Variants in ZNF75D observed in about 807,000 individuals in gnomAD.
The protein encoded by ZNF75D is zinc finger protein 75D, also known as zinc finger protein 75.
A neutral mutation model predicts 33.3 loss-of-function variants in ZNF75D; 33 were observed. That is an observed-to-expected ratio of 0.99 (90% CI 0.75 to 1.32). The LOEUF is 1.32. Among genes scored for constraint, ZNF75D ranks in the 40% most tolerant of loss-of-function variants. ZNF75D has a pLI of 0.00. For synonymous variants in ZNF75D, 113 were observed against 130.6 expected (o/e 0.87, Z 0.92); for missense variants, 338 against 367.5 (o/e 0.92, Z 0.66).
At chrX:135,331,329 T>G (rs782744388) in intron 1 of ZNF75D, among the ~76,000 whole-genome samples, 15 of 110,962 alleles carry the variant, frequency 1.4e-4, no homozygotes, top group Non-Finnish European at 2.5e-4. Context: ...CACAGCCAAT[T>G]GAAGAGAATT....
intron 1 of ZNF75D, among the ~76,000 whole-genome samples, chrX:135,267,489 A>G (rs2083867197): frequency 9.0e-6 from 1 of 111,271 alleles, no homozygotes; most frequent in Non-Finnish European, 1.9e-5. Context: ...ATGAACAACT[A>G]TTTGCCAATA....
At chrX:135,289,852 G>A (rs1259532024) in intron 6 of ZNF75D, among the ~76,000 whole-genome samples, 3 of 111,770 alleles carry the variant, frequency 2.7e-5, no homozygotes, top group African/African-American at 6.5e-5. Context: ...CTATTTTCAT[G>A]TGATAATTTA....
chrX:135,278,181 A>G (rs1032636239), intron 1 of ZNF75D, among the ~76,000 whole-genome samples: 3 of 111,432 alleles, frequency 2.7e-5, no homozygotes, highest in Non-Finnish European at 5.7e-5. Context: ...AGTGGTTTCT[A>G]GTTCTCCTTG....
chrX:135,324,585 C>T (rs1162008053), intron 1 of ZNF75D, among the ~76,000 whole-genome samples: 1 of 112,603 alleles, frequency 8.9e-6, no homozygotes. Context: ...GACACATACA[C>T]CTCTGTGACA....
Position 135,318,484 on chromosome X carries a change from T to C in ZNF75D, c.-390-22445A>G, listed in dbSNP as rs190780792. Among the ~76,000 whole-genome samples, 375 of 111,504 alleles carry C rather than the reference T, an allele frequency of 3.4e-3. 3 individuals carry two copies. Among genetic ancestry groups the C allele is most frequent in the African/African-American group, 0.012 (357 of 30,716 alleles). On this transcript the variant is annotated intron_variant, in intron 1 of 6. Transcript: ENST00000370766. The stretch of plus-strand genomic sequence containing the variant: ...GACAATTTGGCAAAGTAAGAACAAG[T>C]TTGGTGTATTTCATTTCGGAACTTA...
intron 5 of ZNF75D, 33 bp downstream of exon 5, chrX:135,291,439 G>A (rs782328867): frequency 1.7e-6 from 2 of 1,204,731 alleles, no homozygotes; most frequent in African/African-American, 3.5e-5. Context: ...CCACAGTCAA[G>A]TCACCTGAAA....
intron 1 of ZNF75D, among the ~76,000 whole-genome samples, chrX:135,325,358 C>A (rs2084549146): frequency 9.1e-6 from 1 of 110,237 alleles, no homozygotes; most frequent in Non-Finnish European, 1.9e-5. Context: ...TTTGGTGGCA[C>A]TTGAGGAGCC....
chrX:135,302,072 C>G lies in ZNF75D; in HGVS notation c.-390-6033G>C, dbSNP rs144250228. The stretch of plus-strand genomic sequence containing the variant: ...TCTGAAGCAATGGCTCAAGCTATAA[C>G]TTGGCCCATTTTACCCGTGGCTGGA... On this transcript the variant is annotated intron_variant, in intron 1 of 6. Transcript: ENST00000370766. Among the ~76,000 whole-genome samples, 62 of 112,434 alleles carry G rather than the reference C, an allele frequency of 5.5e-4. 1 individual carries two copies. The highest frequency in any genetic ancestry group is 2.0e-3 in the African/African-American group (61 of 31,005).
At chrX:135,320,937 TG>T (rs201996307) in intron 1 of ZNF75D, among the ~76,000 whole-genome samples, 8 of 109,928 alleles carry the variant, frequency 7.3e-5, no homozygotes, top group Non-Finnish European at 1.3e-4. Context: ...GAAGCAAGGT[TG>T]GGGGGGGTTA....
At chrX:135,262,367 T>G (rs956180543) in intron 1 of ZNF75D, among the ~76,000 whole-genome samples, 6 of 112,332 alleles carry the variant, frequency 5.3e-5, no homozygotes, top group African/African-American at 9.7e-5. Flanking sequence ...AAGTTCTCCT[T>G]GATAATATCC....
intron 1 of ZNF75D, among the ~76,000 whole-genome samples, chrX:135,310,566 T>C (rs1457261678): frequency 3.6e-5 from 4 of 111,471 alleles, no homozygotes. Flanking sequence ...GCATTTCTCT[T>C]GTCCTTTAAC....
chrX:135,285,530 T>C (rs1399702705), downstream of ZNF75D, among the ~76,000 whole-genome samples: 2 of 112,391 alleles, frequency 1.8e-5, no homozygotes, highest in African/African-American at 6.5e-5. Flanking sequence ...GCTGGGCAAG[T>C]AGACAAAGCT....
At chrX:135,304,623 C>T (rs1004807663) in intron 1 of ZNF75D, among the ~76,000 whole-genome samples, 10 of 112,260 alleles carry the variant, frequency 8.9e-5, no homozygotes, top group Non-Finnish European at 1.9e-4. Flanking sequence ...ATTTTGATGT[C>T]TACAATGCAA....
chrX:135,339,823 T>G (rs1286734710), intron 1 of ZNF75D, among the ~76,000 whole-genome samples: 2 of 111,476 alleles, frequency 1.8e-5, no homozygotes, highest in African/African-American at 6.5e-5. Flanking sequence ...AGCATCTATA[T>G]CTCTCCGAAA....
chrX:135,291,316 C>T, intron 5 of ZNF75D, 156 bp downstream of exon 5: 1 of 791,101 alleles, frequency 1.3e-6, no homozygotes. Flanking sequence ...TGGGAGGTGC[C>T]CAGTTCCCAC....
intron 2 of ZNF75D, among the ~76,000 whole-genome samples, chrX:135,294,509 T>G (rs1443497763): frequency 7.7e-5 from 8 of 103,600 alleles, no homozygotes; most frequent in Non-Finnish European, 1.2e-4. Flanking sequence ...GTATTTCCTG[T>G]TTTTTTTTTT....
chrX:135,306,288 T>TACACACACACACACAC (rs57049630), intron 1 of ZNF75D, among the ~76,000 whole-genome samples: 24 of 83,232 alleles, frequency 2.9e-4, no homozygotes, highest in East Asian at 2.6e-3. Context: ...CAGAGATACA[T>TACACACACACACACAC]ACACACACAC....
At chrX:135,290,937 G>A (rs1330742106) in intron 6 of ZNF75D, 72 bp downstream of exon 6, 6 of 996,259 alleles carry the variant, frequency 6.0e-6, no homozygotes, top group African/African-American at 3.8e-5. Flanking sequence ...CTCTCACAGG[G>A]GTGCATTTTC....
chrX:135,334,127 C>T (rs1427995564), intron 1 of ZNF75D, among the ~76,000 whole-genome samples: 1 of 112,079 alleles, frequency 8.9e-6, no homozygotes, highest in Non-Finnish European at 1.9e-5. Flanking sequence ...GGCATATTGT[C>T]TTGAAGACTT....
Sources: allele counts gnomAD v4.1 joint callset (sites outside exome capture counted in the v4.1 genomes callset), GRCh38; gene constraint gnomAD v4.1.1; transcripts MANE v1.5; gene names NCBI Gene and HGNC (gene_info 2026-07-23, HGNC 2026-07-21).